The following TAOK1 variants were observed in gnomAD, a reference collection of about 807,000 sequenced individuals.
The protein encoded by TAOK1 is TAO kinase 1, also known as serine/threonine-protein kinase TAO1.
In TAOK1, 21 loss-of-function variants were observed where a neutral mutation model predicts 138.3. The ratio of observed to expected loss-of-function variants is 0.15; its 90% CI spans 0.11 to 0.22. TAOK1 has a LOEUF of 0.22. Ranked by LOEUF, TAOK1 falls within the 10% of genes least tolerant of loss-of-function variation. The pLI is 1.00. For synonymous variants in TAOK1, 361 were observed against 398.4 expected (o/e 0.91, Z 1.12); for missense variants, 651 against 1,227.7 (o/e 0.53, Z 7.02).
intron 1 of TAOK1, among the ~76,000 whole-genome samples, chr17:29,425,155 C>T (rs1365742478): frequency 1.3e-5 from 2 of 152,164 alleles, no homozygotes; most frequent in African/African-American, 4.8e-5. Context: ...CTGTAACCAC[C>T]ACCTCCCAGG....
chr17:29,402,152 A>G (rs1285845579), intron 1 of TAOK1, among the ~76,000 whole-genome samples: 1 of 152,130 alleles, frequency 6.6e-6, no homozygotes, highest in African/African-American at 2.4e-5. Flanking sequence ...GACTTTGCCT[A>G]AAAGGTCCTG....
chr17:29,520,974 A>G (rs2150766784), intron 16 of TAOK1, among the ~76,000 whole-genome samples: 1 of 152,122 alleles, frequency 6.6e-6, no homozygotes, highest in South Asian at 2.1e-4. Flanking sequence ...GCAGTGAGCC[A>G]AGTTGGTACC....
chr17:29,467,164 A>G lies in TAOK1; in HGVS notation c.152A>G (p.Asn51Ser), dbSNP rs1240586248. Residue 51 changes from asparagine (N) to serine (S), a missense_variant, in exon 3 of 20, where the codon AAT (asparagine) becomes AGT (serine). This residue lies in a region of TAOK1 where 116 missense variants were observed against 213.9 expected (regional missense o/e 0.54). Transcript: ENST00000261716. ...CTTTAGGCACGAGATGTGCGTACCA[A>G]TGAAGTGGTGGCCATCAAGAAAATG... Reference protein sequence around the residue: ...AVYFARDVRTNEVVAIKKMSY... With the variant: ...AVYFARDVRTSEVVAIKKMSY... The G allele has an allele frequency of 5.0e-6, 8 of 1,604,382 alleles. No homozygotes were observed. Among genetic ancestry groups the G allele is most frequent in the East Asian group, 4.5e-5 (2 of 44,730 alleles).
intron 1 of TAOK1, among the ~76,000 whole-genome samples, chr17:29,391,949 G>T (rs1336687481): frequency 6.6e-6 from 1 of 152,194 alleles, no homozygotes; most frequent in Non-Finnish European, 1.5e-5. Context: ...TGGCGCGGTG[G>T]CTCACGCCTG....
chr17:29,495,522 G>GAA, intron 10 of TAOK1, 38 bp from the exon 11 acceptor site: 3 of 1,500,076 alleles, frequency 2.0e-6, no homozygotes, highest in South Asian at 1.4e-5. Flanking sequence ...GTCACTAATT[G>GAA]AAAAAAAAAT....
rs1475083240 is a variant in TAOK1 at position 29,451,512 on chromosome 17, A to G, written c.-37A>G. 2 of 1,587,064 alleles carry G rather than the reference A, an allele frequency of 1.3e-6. No homozygotes were observed. The highest frequency in any genetic ancestry group is 2.2e-5 in the East Asian group (1 of 44,630). On this transcript the variant is annotated 5_prime_UTR_variant, in exon 2 of 20. Transcript: ENST00000261716. ...ATGAACCAAGGATCGGGATAGCAGT[A>G]TAAAATTAGAATCAAGACAGCTGAC... is the stretch of plus-strand genomic sequence containing the variant.
intron 1 of TAOK1, chr17:29,424,921 A>G (rs1453171684): frequency 2.0e-5 from 3 of 152,162 alleles, no homozygotes; most frequent in Non-Finnish European, 4.4e-5. Context: ...GTCATTTTTC[A>G]TTATAGATTA....
At chr17:29,403,328 A>G (rs1176295826) in intron 1 of TAOK1, among the ~76,000 whole-genome samples, 3 of 152,130 alleles carry the variant, frequency 2.0e-5, no homozygotes, top group African/African-American at 7.2e-5. Flanking sequence ...AGGCTGAGAA[A>G]GAGGTTTCAG....
chr17:29,477,592 T>C, intron 4 of TAOK1, 69 bp from the exon 5 acceptor site: 3 of 942,818 alleles, frequency 3.2e-6, no homozygotes. Context: ...TGTGAACTTA[T>C]TTTATCTTAA....
intron 6 of TAOK1, 79 bp downstream of exon 6, chr17:29,478,426 GT>G: frequency 1.0e-6 from 1 of 996,944 alleles, no homozygotes; most frequent in Non-Finnish European, 1.4e-6. Flanking sequence ...TAACTCTAAA[GT>G]TTTTATTGGT....
intron 19 of TAOK1, 96 bp downstream of exon 19, chr17:29,534,396 A>G (rs2032187166): frequency 8.5e-7 from 1 of 1,172,772 alleles, no homozygotes. Context: ...GTCACATTAG[A>G]TTTCTTTCAC....
chr17:29,530,886 G>T, intron 18 of TAOK1: 1 of 447,150 alleles, frequency 2.2e-6, no homozygotes, highest in Non-Finnish European at 4.1e-6. Flanking sequence ...GATTAGAATA[G>T]CAGCTTTGGG....
intron 1 of TAOK1, among the ~76,000 whole-genome samples, chr17:29,426,825 T>G (rs1365680956): frequency 1.3e-5 from 2 of 152,166 alleles, no homozygotes; most frequent in Non-Finnish European, 1.5e-5. Flanking sequence ...TGTTTTGGAG[T>G]GGCATCCTGG....
At chr17:29,446,172 A>G (rs1273627851) in intron 1 of TAOK1, among the ~76,000 whole-genome samples, 1 of 152,138 alleles carries the variant, frequency 6.6e-6, no homozygotes, top group African/African-American at 2.4e-5. Flanking sequence ...TAGTTTGGCT[A>G]CAGGCCTTTC....
At chr17:29,405,213 C>T (rs1451819209) in intron 1 of TAOK1, among the ~76,000 whole-genome samples, 1 of 152,070 alleles carries the variant, frequency 6.6e-6, no homozygotes, top group Non-Finnish European at 1.5e-5. Context: ...GTCTCAAACT[C>T]GTGACCTCAG....
At chr17:29,541,775 CA>C (rs577390498) in intron 19 of TAOK1, among the ~76,000 whole-genome samples, 3 of 143,356 alleles carry the variant, frequency 2.1e-5, no homozygotes, top group African/African-American at 7.7e-5. Context: ...GACTCCGTCT[CA>C]AAAAAAAAGA....
chr17:29,404,850 C>T (rs959743566), intron 1 of TAOK1, among the ~76,000 whole-genome samples: 10 of 152,076 alleles, frequency 6.6e-5, no homozygotes, highest in Non-Finnish European at 1.5e-5. Context: ...AAATACACTA[C>T]CATTCTGTAT....
chr17:29,502,802 AT>A lies in TAOK1; in HGVS notation c.1338+81del. 3 of 1,454,802 alleles carry A rather than the reference AT, an allele frequency of 2.1e-6. No homozygotes were observed. The Admixed American group carries it at 6.9e-5, about 34-fold the overall frequency. The allele number at this position is 1,454,802 out of a possible 1,614,324, so 90.1% of individuals were successfully genotyped here. On this transcript the variant is annotated intron_variant, in intron 13 of 19. Coordinates refer to ENST00000261716, the MANE Select transcript of TAOK1 (RefSeq NM_020791.4). Reference sequence around the variant, plus strand: ...AATATAAACTCAAGTATAGCTATATATTGTTTTGTATTTGGGTTTTATTTTA... The same window carrying A: ...AATATAAACTCAAGTATAGCTATATATGTTTTGTATTTGGGTTTTATTTTA...
At chr17:29,397,764 T>C (rs1016201350) in intron 1 of TAOK1, among the ~76,000 whole-genome samples, 3 of 139,214 alleles carry the variant, frequency 2.2e-5, no homozygotes, top group Non-Finnish European at 3.2e-5. Flanking sequence ...TATGTATATA[T>C]GTATACATGT....
Sources: gnomAD v4.1 joint callset for allele counts (sites outside exome capture counted in the v4.1 genomes callset) on GRCh38, gnomAD v4.1.1 for gene constraint, gnomAD v4.1.1 regional missense constraint, MANE v1.5 for transcripts, NCBI Gene and HGNC (gene_info 2026-07-23, HGNC 2026-07-21) for gene names.